The following PAK1 variants were observed in gnomAD, a reference collection of about 807,000 sequenced individuals.
The protein encoded by PAK1 is p21 (RAC1) activated kinase 1.
In PAK1, 29 loss-of-function variants were observed where a neutral mutation model predicts 67.4. That is an observed-to-expected ratio of 0.43 (90% CI 0.32 to 0.59). PAK1 has a LOEUF of 0.59. Ranked by LOEUF, PAK1 falls within the 20% of genes least tolerant of loss-of-function variation. PAK1 has a pLI of 0.07. For synonymous variants in PAK1, 223 were observed against 237.4 expected, an observed-to-expected ratio of 0.94 and a Z score of 0.56; for missense variants, 337 against 670.7, an observed-to-expected ratio of 0.50 and a Z score of 5.50.
At chr11:77,362,115 C>T (rs964322096) in intron 5 of PAK1, among the ~76,000 whole-genome samples, 4 of 152,088 alleles carry the variant, frequency 2.6e-5, no homozygotes, top group African/African-American at 4.8e-5. Context: ...ATTTATCCAC[C>T]GGTTTGGGTT....
At chr11:77,521,660 A>G in the PAK1 span, among the ~76,000 whole-genome samples, 2 of 152,200 alleles carry the variant, frequency 1.3e-5, no homozygotes, top group Admixed American at 1.3e-4. Flanking sequence ...TGACACACCC[A>G]GATAGCTAGT....
chr11:77,500,736 C>G, the PAK1 span, among the ~76,000 whole-genome samples: 7 of 152,114 alleles, frequency 4.6e-5, no homozygotes, highest in Admixed American at 6.5e-5. Context: ...CCCAGCTATT[C>G]AGGAGGCTGA....
intron 1 of PAK1, among the ~76,000 whole-genome samples, chr11:77,411,318 T>G (rs112210733): frequency 6.6e-6 from 1 of 151,908 alleles, no homozygotes; most frequent in African/African-American, 2.4e-5. Flanking sequence ...TGCACAGATA[T>G]GGCAACTCAA....
chr11:77,490,911 A>G, the PAK1 span, among the ~76,000 whole-genome samples: 1 of 152,136 alleles, frequency 6.6e-6, no homozygotes, highest in African/African-American at 2.4e-5. Context: ...GTGCTTTGTT[A>G]AACAGATGCT....
chr11:77,397,143 C>T (rs1459168585), intron 1 of PAK1: 1 of 152,190 alleles, frequency 6.6e-6, no homozygotes. Flanking sequence ...GCTCAGATAG[C>T]ACCATTCTAT....
chr11:77,453,950 G>A (rs573603900), intron 1 of PAK1, among the ~76,000 whole-genome samples: 6 of 152,172 alleles, frequency 3.9e-5, no homozygotes, highest in Non-Finnish European at 7.4e-5. Context: ...GGGTATGGTG[G>A]CACGTGCCTG....
At chr11:77,511,246 C>G in the PAK1 span, among the ~76,000 whole-genome samples, 1 of 152,176 alleles carries the variant, frequency 6.6e-6, no homozygotes, top group African/African-American at 2.4e-5. Context: ...CTTTATAGCT[C>G]ACTTCTGCCA....
At chr11:77,489,960 T>C in the PAK1 span, among the ~76,000 whole-genome samples, 6 of 147,004 alleles carry the variant, frequency 4.1e-5, no homozygotes, top group Non-Finnish European at 8.9e-5. Context: ...CTCTGGAAAG[T>C]GAGGAGCGTC....
At chr11:77,406,707 G>A (rs1374657018) in intron 1 of PAK1, among the ~76,000 whole-genome samples, 7 of 152,156 alleles carry the variant, frequency 4.6e-5, no homozygotes, top group Non-Finnish European at 8.8e-5. Context: ...GAGCCAAAAG[G>A]TCAAGACTGC....
At chr11:77,468,990 T>G (rs1957725202) in intron 1 of PAK1, among the ~76,000 whole-genome samples, 1 of 152,120 alleles carries the variant, frequency 6.6e-6, no homozygotes, top group South Asian at 2.1e-4. Context: ...AGATGTTATT[T>G]TTCCTGTATG....
chr11:77,353,424 A>C (rs1945557055), intron 8 of PAK1, 112 bp downstream of exon 8: 2 of 735,448 alleles, frequency 2.7e-6, no homozygotes, highest in South Asian at 3.2e-5. Context: ...TGAGGGGTAA[A>C]GTGGAGAAAG....
At chr11:77,382,625 A>G (rs1949979386) in intron 2 of PAK1, among the ~76,000 whole-genome samples, 1 of 152,180 alleles carries the variant, frequency 6.6e-6, no homozygotes, top group African/African-American at 2.4e-5. Flanking sequence ...GACCAAAATT[A>G]CCACTTCCAA....
intron 13 of PAK1, among the ~76,000 whole-genome samples, chr11:77,335,722 C>A (rs1371823486): frequency 2.0e-5 from 3 of 152,184 alleles, no homozygotes; most frequent in African/African-American, 7.2e-5. Flanking sequence ...AATAAAATAA[C>A]TTATAAGAGA....
chr11:77,505,358 T>C, the PAK1 span, among the ~76,000 whole-genome samples: 1 of 152,124 alleles, frequency 6.6e-6, no homozygotes, highest in African/African-American at 2.4e-5. Context: ...CAGCTAATTT[T>C]TATATTCGTA....
At chr11:77,354,041 G>GGC (rs1358122813) in intron 7 of PAK1, among the ~76,000 whole-genome samples, 1 of 152,030 alleles carries the variant, frequency 6.6e-6, no homozygotes, top group Non-Finnish European at 1.5e-5. Flanking sequence ...TACAGAAAGA[G>GGC]GCACACACAC....
chr11:77,347,854 TTCGTGGACA>T (rs1944666379), intron 9 of PAK1, among the ~76,000 whole-genome samples: 1 of 152,226 alleles, frequency 6.6e-6, no homozygotes, highest in East Asian at 1.9e-4. Context: ...TTTCAACACT[TTCGTGGACA>T]TTTTATTATG....
chr11:77,506,019 G>C, the PAK1 span, among the ~76,000 whole-genome samples: 2 of 152,154 alleles, frequency 1.3e-5, no homozygotes, highest in Non-Finnish European at 2.9e-5. Context: ...AGGTATAAGA[G>C]AGAAAACTGC....
intron 8 of PAK1, among the ~76,000 whole-genome samples, chr11:77,350,185 G>A (rs1015185252): frequency 6.6e-6 from 1 of 152,126 alleles, no homozygotes; most frequent in Non-Finnish European, 1.5e-5. Flanking sequence ...AACAGGATAT[G>A]TGAATTTTGT....
intron 14 of PAK1, chr11:77,325,442 T>C: frequency 1.3e-6 from 2 of 1,530,776 alleles, no homozygotes; most frequent in Non-Finnish European, 1.8e-6. Context: ...ATAAAGTGCT[T>C]AGTGCCTAAA....
Sources: gnomAD v4.1 joint callset for allele counts (sites outside exome capture counted in the v4.1 genomes callset) on GRCh38, gnomAD v4.1.1 for gene constraint, MANE v1.5 for transcripts, NCBI Gene and HGNC (gene_info 2026-07-23, HGNC 2026-07-21) for gene names.